The following ULK4 variants were observed in gnomAD, a reference collection of about 807,000 sequenced individuals.
ULK4 encodes unc-51 like kinase 4, also known as inactive serine/threonine-protein kinase ULK4.
A neutral mutation model predicts 160.6 loss-of-function variants in ULK4; 133 were observed. That is an observed-to-expected ratio of 0.83 (90% CI 0.72 to 0.96). ULK4 has a LOEUF of 0.96. Ranked by LOEUF, ULK4 falls within the 40% of genes least tolerant of loss-of-function variation. The pLI is 0.00. For synonymous variants in ULK4, 534 were observed against 539.8 expected (o/e 0.99, Z 0.15); for missense variants, 1,580 against 1,499.5 (o/e 1.05, Z -0.89).
chr3:41,564,969 G>A (rs2700446), intron 32 of ULK4, among the ~76,000 whole-genome samples: 65,547 of 151,858 alleles, frequency 0.43, 15,266 homozygotes, highest in Middle Eastern at 0.55. Context: ...TCATATGTTT[G>A]CCACACCTCT....
At chr3:41,898,576 T>A (rs1698247329) in intron 13 of ULK4, 84 bp from the exon 14 acceptor site, 1 of 801,290 alleles carries the variant, frequency 1.2e-6, no homozygotes, top group African/African-American at 1.7e-5. Flanking sequence ...TGTCAGATAA[T>A]AAATCAATGA....
chr3:41,827,442 C>T (rs112482279), intron 18 of ULK4, among the ~76,000 whole-genome samples: 18,458 of 151,722 alleles, frequency 0.12, 1,308 homozygotes, highest in Middle Eastern at 0.27. Flanking sequence ...ATCAAATAGA[C>T]GCAATAAAAA....
At chr3:41,487,323 G>A (rs1236714695) in intron 32 of ULK4, among the ~76,000 whole-genome samples, 1 of 152,012 alleles carries the variant, frequency 6.6e-6, no homozygotes, top group East Asian at 1.9e-4. Context: ...GGATTTTTGA[G>A]GAACATAACA....
At chr3:41,513,712 G>A (rs1165332695) in intron 32 of ULK4, among the ~76,000 whole-genome samples, 1 of 152,200 alleles carries the variant, frequency 6.6e-6, no homozygotes, top group East Asian at 1.9e-4. Context: ...AGTAACTCAG[G>A]AATAGAAAAT....
At position 41,398,067 on chromosome 3, in the gene ULK4, G is replaced by T. The variant is rs1284569725; in HGVS notation, c.3678+12C>A. On this transcript the variant is annotated intron_variant, in intron 35 of 36. Transcript: ENST00000301831. ...GCCACCCACAGTGTCCCCGGTTTCT[G>T]TGTGAACTCACCATTCTTCTGAGAA... The T allele has an allele frequency of 1.2e-6, 2 of 1,610,440 alleles. No individual in the cohort carries two copies. The highest frequency in any genetic ancestry group is 2.2e-5 in the East Asian group (1 of 44,764).
At chr3:41,736,825 G>T (rs1264160308) in intron 22 of ULK4, among the ~76,000 whole-genome samples, 1 of 151,522 alleles carries the variant, frequency 6.6e-6, no homozygotes. Flanking sequence ...TATGGTTTTA[G>T]GTCTAACGTT....
intron 32 of ULK4, among the ~76,000 whole-genome samples, chr3:41,469,165 C>G (rs1166861751): frequency 6.6e-6 from 1 of 152,140 alleles, no homozygotes; most frequent in Non-Finnish European, 1.5e-5. Flanking sequence ...AGCAGAGGCT[C>G]TATCTATCAC....
At position 41,705,269 on chromosome 3, in the gene ULK4, T is replaced by C. The variant is rs1168792848; in HGVS notation, c.2671A>G (p.Ile891Val). The change falls in exon 26 of 37, where the codon ATA becomes GTA. Residue 891 changes from isoleucine to valine, a missense_variant. Transcript: ENST00000301831. ...GTCTACTCACCTATGGCTCCATCTA[T>C]GTTCGTTTCTCCTGAGTCTACAGAT... ...IKSVDSGETN[I>V]DGAIGLTASE... is the part of the protein sequence containing the mutation. 1 of 1,613,472 alleles carries C rather than the reference T, an allele frequency of 6.2e-7. No individual in the cohort carries two copies. The highest frequency in any genetic ancestry group is 8.5e-7 in the Non-Finnish European group (1 of 1,179,732).
chr3:41,693,567 T>C (rs561793266), intron 27 of ULK4, among the ~76,000 whole-genome samples: 1 of 152,240 alleles, frequency 6.6e-6, no homozygotes, highest in Admixed American at 6.5e-5. Flanking sequence ...ACATATATAG[T>C]ATGTTACATT....
chr3:41,329,022 C>T (rs1217613299), intron 35 of ULK4, among the ~76,000 whole-genome samples: 1 of 152,182 alleles, frequency 6.6e-6, no homozygotes, highest in Non-Finnish European at 1.5e-5. Context: ...CTTTCCACCA[C>T]TGAAAAAATT....
intron 34 of ULK4, among the ~76,000 whole-genome samples, chr3:41,449,434 T>A (rs995339981): frequency 2.6e-5 from 4 of 152,194 alleles, no homozygotes; most frequent in African/African-American, 9.6e-5. Context: ...GGGCGGTGGC[T>A]ACTCAGAAAG....
At chr3:41,477,510 T>C (rs927412845) in intron 32 of ULK4, among the ~76,000 whole-genome samples, 2 of 152,190 alleles carry the variant, frequency 1.3e-5, no homozygotes, top group African/African-American at 4.8e-5. Context: ...CTAGGGTTTG[T>C]TAAAATCAAC....
At chr3:41,326,489 T>C (rs183499659) in intron 35 of ULK4, among the ~76,000 whole-genome samples, 1 of 151,342 alleles carries the variant, frequency 6.6e-6, no homozygotes, top group African/African-American at 2.4e-5. Context: ...AAAACATACA[T>C]AGAATAATAA....
In ULK4 at chr3:41,681,492, A is replaced by G. The variant is rs1000655765; in HGVS notation, c.2978+16T>C. ...GCCTACACTTCTCTGCATGAATACA[A>G]CTGCATGATACTTACTGGGGAAGTA... On this transcript the variant is annotated intron_variant, in intron 29 of 36. Transcript: ENST00000301831. 4 of 1,613,550 alleles carry G rather than the reference A, an allele frequency of 2.5e-6. No homozygotes were observed. Among genetic ancestry groups the G allele is most frequent in the South Asian group, 1.1e-5 (1 of 90,978 alleles).
chr3:41,961,550 ACCCC>A (rs201424516), intron 1 of ULK4, among the ~76,000 whole-genome samples: 1 of 124,716 alleles, frequency 8.0e-6, no homozygotes, highest in African/African-American at 4.3e-5. Flanking sequence ...GTAGTCACTC[ACCCC>A]CCCCCCCCCC....
intron 17 of ULK4, among the ~76,000 whole-genome samples, chr3:41,844,266 G>A (rs1027679968): frequency 2.6e-5 from 4 of 152,262 alleles, no homozygotes; most frequent in African/African-American, 7.2e-5. Context: ...CCCGCGGAGG[G>A]GGTGGGAGGC....
chr3:41,738,212 C>T (rs942563649), intron 22 of ULK4, among the ~76,000 whole-genome samples: 1 of 151,944 alleles, frequency 6.6e-6, no homozygotes, highest in Non-Finnish European at 1.5e-5. Context: ...TGAAGAATGA[C>T]AGCAGATCAT....
chr3:41,926,249 A>G (rs1239948497), intron 5 of ULK4, among the ~76,000 whole-genome samples: 1 of 152,198 alleles, frequency 6.6e-6, no homozygotes, highest in African/African-American at 2.4e-5. Context: ...GCAGACCTGA[A>G]GCGGAGGGGC....
At chr3:41,565,651 A>G (rs1184077783) in intron 32 of ULK4, among the ~76,000 whole-genome samples, 2 of 152,242 alleles carry the variant, frequency 1.3e-5, no homozygotes, top group Admixed American at 6.5e-5. Context: ...CAGCCCCTCA[A>G]TCTTGGACTT....
Sources: allele counts gnomAD v4.1 joint callset (sites outside exome capture counted in the v4.1 genomes callset), GRCh38; gene constraint gnomAD v4.1.1; transcripts MANE v1.5; gene names NCBI Gene and HGNC (gene_info 2026-07-23, HGNC 2026-07-21).